GSE1: variants seen among roughly 807,000 people sequenced by gnomAD.
GSE1 encodes genetic suppressor element 1.
GSE1 carries 32 observed loss-of-function variants against 112.6 expected under a neutral mutation model. The observed-to-expected ratio is 0.28, with a 90% CI of 0.21 to 0.38. The LOEUF is 0.38. Among genes scored for constraint, GSE1 ranks in the 10% least tolerant of loss-of-function variants. The probability of loss-of-function intolerance (pLI) is 1.00; values close to 1 mark genes in which losing one functional copy is unlikely to be tolerated. For missense variants in GSE1, 2,348 were observed against 1,699.2 expected, an observed-to-expected ratio of 1.38 and a Z score of -6.71; for synonymous variants, 1,115 against 735.6, an observed-to-expected ratio of 1.52 and a Z score of -8.35.
intron 1 of GSE1, among the ~76,000 whole-genome samples, chr16:85,317,461 C>T (rs1030564278): frequency 2.0e-5 from 3 of 152,184 alleles, no homozygotes; most frequent in Non-Finnish European, 2.9e-5. Context: ...GGACAACCCC[C>T]CTACGAGTCC....
chr16:85,209,647 C>T (rs147063180), intron 1 of GSE1, among the ~76,000 whole-genome samples: 278 of 152,334 alleles, frequency 1.8e-3, no homozygotes, highest in Non-Finnish European at 2.7e-3. Flanking sequence ...AGGTGTTCCC[C>T]GGCTGCTCAG....
chr16:85,656,937 C>A (rs1008836553), intron 7 of GSE1, among the ~76,000 whole-genome samples: 5 of 152,234 alleles, frequency 3.3e-5, no homozygotes, highest in African/African-American at 9.7e-5. Context: ...GATTTTATTT[C>A]TCTGTAAGTT....
At chr16:85,179,462 C>T (rs551995602) in intron 1 of GSE1, among the ~76,000 whole-genome samples, 209 of 152,274 alleles carry the variant, frequency 1.4e-3, no homozygotes, top group African/African-American at 4.9e-3. Context: ...ACTGTGAACA[C>T]GCATGGGCAA....
At chr16:85,509,815 A>G (rs2051671776) in intron 2 of GSE1, among the ~76,000 whole-genome samples, 1 of 151,756 alleles carries the variant, frequency 6.6e-6, no homozygotes, top group Non-Finnish European at 1.5e-5. Context: ...CGCCTCTGTC[A>G]GAGACTGCAG....
chr16:85,400,754 CGTGTGTCTCTGTGATGT>C (rs1597608126), intron 2 of GSE1, among the ~76,000 whole-genome samples: 1 of 141,464 alleles, frequency 7.1e-6, no homozygotes, highest in East Asian at 2.1e-4. Flanking sequence ...TGGTTGTGCA[CGTGTGTCTCTGTGATGT>C]GTGTGTCTCT....
At chr16:85,277,661 C>G (rs951538520) in intron 1 of GSE1, among the ~76,000 whole-genome samples, 3 of 152,232 alleles carry the variant, frequency 2.0e-5, no homozygotes, top group Non-Finnish European at 4.4e-5. Context: ...GCTGGGCAGC[C>G]TGGAAGCGGT....
At chr16:85,191,571 C>T (rs1253144754) in intron 1 of GSE1, among the ~76,000 whole-genome samples, 9 of 152,162 alleles carry the variant, frequency 5.9e-5, no homozygotes, top group Admixed American at 3.3e-4. Flanking sequence ...TTCCTGTTTC[C>T]CCCTCGGCAT....
intron 2 of GSE1, among the ~76,000 whole-genome samples, chr16:85,381,785 C>T (rs1281906157): frequency 6.6e-6 from 1 of 152,218 alleles, no homozygotes; most frequent in Non-Finnish European, 1.5e-5. Flanking sequence ...AATCACTCCT[C>T]AGGATGCTGT....
rs890160228 is a variant in GSE1, at chr16:85,304,579, A to G, written c.2284-52884A>G. 2.8e-5 allele frequency among the ~76,000 whole-genome samples: 3 copies of G among 105,536 alleles called. No individual in the cohort carries two copies. In the East Asian group the frequency reaches 9.8e-4, roughly 35 times the overall value. The allele number at this position is 105,536 out of a possible 152,430, so 69.2% of individuals were successfully genotyped here. On this transcript the variant is annotated intron_variant, in intron 1 of 2. Transcript: ENST00000637419. ...GGAGCTTTTGAGATTGAAAAGCTGC[A>G]TGGCAGCTGCCAAGCCGGGGGCGGG...
chr16:85,334,146 C>A (rs66470643), intron 1 of GSE1, among the ~76,000 whole-genome samples: 1 of 152,070 alleles, frequency 6.6e-6, no homozygotes, highest in African/African-American at 2.4e-5. Context: ...CGGCCTTCCT[C>A]GTCCCACACA....
rs191360398 is a variant in GSE1, at chr16:85,548,036, G to A, written c.2465-85878G>A. Among the ~76,000 whole-genome samples the A allele has an allele frequency of 1.5e-3, 223 of 151,934 alleles. 1 individual carries two copies. The highest frequency in any genetic ancestry group is 5.1e-3 in the African/African-American group (213 of 41,404). ...AGGTCAGGATATCGAGACCATCCTGGCCAACATGGTGAAACGCTGTCTCTA... is the reference window on the plus strand; with the variant it reads ...AGGTCAGGATATCGAGACCATCCTGACCAACATGGTGAAACGCTGTCTCTA... On this transcript the variant is annotated intron_variant, in intron 2 of 2. Transcript: ENST00000637419.
chr16:85,500,142 C>T (rs1290541888), intron 2 of GSE1, among the ~76,000 whole-genome samples: 1 of 152,208 alleles, frequency 6.6e-6, no homozygotes, highest in Non-Finnish European at 1.5e-5. Context: ...CCCAATATTG[C>T]AAGAGCTAGA....
intron 15 of GSE1, chr16:85,672,085 G>A (rs564290066): frequency 2.8e-4 from 83 of 297,550 alleles, no homozygotes; most frequent in Non-Finnish European, 3.5e-4. Flanking sequence ...TGCAACCTCC[G>A]CCTCCTGGGT....
intron 2 of GSE1, among the ~76,000 whole-genome samples, chr16:85,470,095 A>G (rs1019630749): frequency 6.6e-6 from 1 of 152,228 alleles, no homozygotes; most frequent in African/African-American, 2.4e-5. Flanking sequence ...GCCACGCTCC[A>G]GGGTGCGGGA....
intron 5 of GSE1, 52 bp from the exon 6 acceptor site, chr16:85,655,673 TG>T: frequency 8.0e-7 from 1 of 1,257,778 alleles, no homozygotes; most frequent in Non-Finnish European, 1.1e-6. Context: ...TCGACAGGGC[TG>T]GGTCTTCCCC....
intron 2 of GSE1, among the ~76,000 whole-genome samples, chr16:85,438,030 C>T (rs1433009506): frequency 1.3e-5 from 2 of 152,042 alleles, no homozygotes; most frequent in African/African-American, 4.8e-5. Context: ...GTTCCGTGTC[C>T]GAAGCTCTTC....
intron 3 of GSE1, among the ~76,000 whole-genome samples, chr16:85,650,719 G>A (rs908280909): frequency 1.6e-4 from 24 of 152,168 alleles, no homozygotes; most frequent in African/African-American, 5.5e-4. Flanking sequence ...GGTGATGTAC[G>A]GCTCCTCGCT....
intron 1 of GSE1, among the ~76,000 whole-genome samples, chr16:85,332,264 C>T (rs896388391): frequency 2.6e-5 from 4 of 152,238 alleles, no homozygotes; most frequent in African/African-American, 9.6e-5. Flanking sequence ...GTGCCACCAA[C>T]CCCTGGGTCT....
chr16:85,336,792 A>G (rs766947201), intron 1 of GSE1, among the ~76,000 whole-genome samples: 1 of 152,130 alleles, frequency 6.6e-6, no homozygotes, highest in African/African-American at 2.4e-5. Flanking sequence ...TTATGTGCAC[A>G]TATGCATGCT....
Sources: gnomAD v4.1 joint callset for allele counts (sites outside exome capture counted in the v4.1 genomes callset) on GRCh38, gnomAD v4.1.1 for gene constraint, MANE v1.5 for transcripts, NCBI Gene and HGNC (gene_info 2026-07-23, HGNC 2026-07-21) for gene names.